The following PHACTR3 variants were observed in gnomAD, a reference collection of about 807,000 sequenced individuals.
The protein encoded by PHACTR3 is protein phosphatase 1, regulatory subunit 123.
PHACTR3 carries 16 observed loss-of-function variants against 66.8 expected under a neutral mutation model. The observed-to-expected ratio is 0.24, with a 90% CI of 0.16 to 0.36. PHACTR3 has a LOEUF of 0.36. Among genes scored for constraint, PHACTR3 ranks in the 10% least tolerant of loss-of-function variants. The probability of loss-of-function intolerance (pLI) is 1.00; values close to 1 mark genes in which losing one functional copy is unlikely to be tolerated. For missense variants in PHACTR3, 647 were observed against 719.9 expected (o/e 0.90, Z 1.16); for synonymous variants, 323 against 292.1 (o/e 1.11, Z -1.08).
intron 1 of PHACTR3, among the ~76,000 whole-genome samples, chr20:59,698,552 A>G (rs191356562): frequency 1.3e-4 from 20 of 152,274 alleles, no homozygotes; most frequent in African/African-American, 4.6e-4. Flanking sequence ...TTGATATATG[A>G]TTCCTTGTGC....
intron 1 of PHACTR3, among the ~76,000 whole-genome samples, chr20:59,727,114 C>T (rs988678786): frequency 3.3e-5 from 5 of 152,106 alleles, no homozygotes; most frequent in African/African-American, 4.8e-5. Flanking sequence ...CTGATAACTA[C>T]GCATCTACTT....
chr20:59,579,294 T>TGATG (rs2032799256), intron 1 of PHACTR3, among the ~76,000 whole-genome samples: 1 of 152,232 alleles, frequency 6.6e-6, no homozygotes, highest in African/African-American at 2.4e-5. Flanking sequence ...GTCTAGGCCT[T>TGATG]GATGGATGGA....
chr20:59,702,828 G>A (rs1316579700), intron 1 of PHACTR3, among the ~76,000 whole-genome samples: 1 of 152,220 alleles, frequency 6.6e-6, no homozygotes, highest in African/African-American at 2.4e-5. Flanking sequence ...CATCTCCAAT[G>A]ATGAGGGTTA....
intron 1 of PHACTR3, among the ~76,000 whole-genome samples, chr20:59,594,246 T>C (rs2033264098): frequency 1.3e-5 from 2 of 152,188 alleles, no homozygotes; most frequent in East Asian, 3.8e-4. Flanking sequence ...TCATTGCTGG[T>C]TTATAGAAAG....
chr20:59,664,442 G>A (rs983591595), intron 1 of PHACTR3, among the ~76,000 whole-genome samples: 2 of 152,108 alleles, frequency 1.3e-5, no homozygotes, highest in Non-Finnish European at 2.9e-5. Flanking sequence ...CCCTCCTGGA[G>A]GCTCCTCCAG....
At chr20:59,752,276 T>C (rs1471635050) in intron 3 of PHACTR3, among the ~76,000 whole-genome samples, 1 of 152,234 alleles carries the variant, frequency 6.6e-6, no homozygotes, top group Non-Finnish European at 1.5e-5. Flanking sequence ...TGTGCCTGCG[T>C]GTGCATCTGT....
At chr20:59,693,348 G>T (rs147015137) in intron 1 of PHACTR3, among the ~76,000 whole-genome samples, 120 of 152,208 alleles carry the variant, frequency 7.9e-4, no homozygotes, top group Non-Finnish European at 7.6e-4. Context: ...GCTTGGGGTC[G>T]GTTTGCAGAA....
chr20:59,751,736 C>G (rs1464703041), intron 3 of PHACTR3, among the ~76,000 whole-genome samples: 1 of 152,102 alleles, frequency 6.6e-6, no homozygotes, highest in Admixed American at 6.5e-5. Flanking sequence ...AAGGACCCTG[C>G]TGGTGGCGTT....
At position 59,829,530 on chromosome 20, in the gene PHACTR3, G is replaced by A. The variant is rs1371973745; in HGVS notation, c.1329-6975G>A. 1.3e-5 allele frequency among the ~76,000 whole-genome samples: 2 copies of A among 152,238 alleles called. No homozygotes were observed. The highest frequency in any genetic ancestry group is 2.1e-4 in the South Asian group (1 of 4,836). On this transcript the variant is annotated intron_variant, in intron 8 of 12. Coordinates refer to ENST00000371015, the MANE Select transcript of PHACTR3 (RefSeq NM_080672.5). The surrounding 1 kb of genome is among the most constrained non-coding windows in gnomAD (Gnocchi z 4.2). Reference sequence around the variant, plus strand: ...GGTGTGCGCCTGGGGGCAAGCAGACGAGACATCTGCCCCATTCACCATCAG... The same window carrying A: ...GGTGTGCGCCTGGGGGCAAGCAGACAAGACATCTGCCCCATTCACCATCAG...
intron 1 of PHACTR3, among the ~76,000 whole-genome samples, chr20:59,704,470 A>G (rs2037623473): frequency 6.7e-6 from 1 of 148,646 alleles, no homozygotes; most frequent in South Asian, 2.1e-4. Context: ...TTTTCTTTCC[A>G]CTTCAGCTCA....
intron 4 of PHACTR3, among the ~76,000 whole-genome samples, chr20:59,761,821 T>C (rs750038381): frequency 2.6e-5 from 4 of 152,112 alleles, no homozygotes; most frequent in Non-Finnish European, 4.4e-5. Context: ...GACCCCTGCA[T>C]TGGGGTTTGT....
chr20:59,632,782 A>G (rs1371564512), intron 1 of PHACTR3, among the ~76,000 whole-genome samples: 1 of 152,194 alleles, frequency 6.6e-6, no homozygotes, highest in Non-Finnish European at 1.5e-5. Flanking sequence ...TGGAATGCAA[A>G]TGCCCACCTA....
At chr20:59,706,309 G>C (rs1378151916) in intron 1 of PHACTR3, among the ~76,000 whole-genome samples, 1 of 152,222 alleles carries the variant, frequency 6.6e-6, no homozygotes, top group Non-Finnish European at 1.5e-5. Flanking sequence ...GAGGGCAAGT[G>C]AGGTCTAGGA....
chr20:59,844,307 A>AG (rs760571737), intron 11 of PHACTR3: 2 of 152,132 alleles, frequency 1.3e-5, no homozygotes, highest in Non-Finnish European at 2.9e-5. Flanking sequence ...TGCCACTTCT[A>AG]GGTATACACG....
chr20:59,616,680 T>A (rs1372164927), intron 1 of PHACTR3, among the ~76,000 whole-genome samples: 1 of 152,156 alleles, frequency 6.6e-6, no homozygotes, highest in Non-Finnish European at 1.5e-5. Context: ...AGCCCCTGGG[T>A]TCCTTAGGGT....
rs572487917 is a variant in PHACTR3 at position 59,652,581 on chromosome 20, A to G, written c.118+47449A>G. Among the ~76,000 whole-genome samples the G allele has an allele frequency of 1.6e-4, 24 of 152,288 alleles. No homozygotes were observed. The South Asian group carries it at 4.8e-3, about 30-fold the overall frequency. On this transcript the variant is annotated intron_variant, in intron 1 of 12. Coordinates refer to ENST00000371015, the MANE Select transcript of PHACTR3 (RefSeq NM_080672.5). Reference sequence around the variant, plus strand: ...TCTTAAAATAAAAAATGCTAATCTCATCAAAATTAGCATTAATCTACTCTA... The same window carrying G: ...TCTTAAAATAAAAAATGCTAATCTCGTCAAAATTAGCATTAATCTACTCTA...
At chr20:59,637,970 A>G (rs1159303263) in intron 1 of PHACTR3, among the ~76,000 whole-genome samples, 2 of 152,200 alleles carry the variant, frequency 1.3e-5, no homozygotes, top group Admixed American at 6.5e-5. Flanking sequence ...CATTTTGAGC[A>G]TGAGGAAACT....
rs1297175534 is a variant in PHACTR3, at chr20:59,604,792, C to A, written c.-223C>A. 5 of 1,200,984 alleles carry A rather than the reference C, an allele frequency of 4.2e-6. No homozygotes were observed. The highest frequency in any genetic ancestry group is 3.3e-4 in the Middle Eastern group (1 of 3,070). 74.4% of individuals were successfully genotyped at this position (1,200,984 alleles called of 1,614,324 possible). ...AAGCGAGGCCGCGCACGCCGGGATG[C>A]GCCTGGCTGCAGCCGGCGAGGCTAT... is the stretch of plus-strand genomic sequence containing the variant. On this transcript the variant is annotated 5_prime_UTR_variant, in exon 1 of 13. Transcript: ENST00000371015.
At chr20:59,606,229 C>T (rs1247828797) in intron 1 of PHACTR3, among the ~76,000 whole-genome samples, 1 of 152,122 alleles carries the variant, frequency 6.6e-6, no homozygotes, top group Non-Finnish European at 1.5e-5. Context: ...GATTCCTGCA[C>T]TGGAACACAC....
Sources: gnomAD v4.1 joint callset for allele counts (sites outside exome capture counted in the v4.1 genomes callset) on GRCh38, gnomAD v4.1.1 for gene constraint, Gnocchi (gnomAD v3.1) non-coding constraint, MANE v1.5 for transcripts, NCBI Gene and HGNC (gene_info 2026-07-23, HGNC 2026-07-21) for gene names.